Variants in ASAP1 observed in about 807,000 individuals in gnomAD.
ASAP1 encodes arf-GAP with SH3 domain, ANK repeat and PH domain-containing protein 1.
Under a neutral mutation model 145.2 loss-of-function variants are expected in ASAP1, and 43 were observed. The observed-to-expected ratio is 0.30, with a 90% CI of 0.23 to 0.38. ASAP1 has a LOEUF of 0.38. Among genes scored for constraint, ASAP1 ranks in the 10% least tolerant of loss-of-function variants. The probability of loss-of-function intolerance (pLI) is 1.00; values close to 1 mark genes in which losing one functional copy is unlikely to be tolerated. For synonymous variants in ASAP1, 546 were observed against 515.5 expected (o/e 1.06, Z -0.80); for missense variants, 1,018 against 1,355.3 (o/e 0.75, Z 3.91).
intron 1 of ASAP1, among the ~76,000 whole-genome samples, chr8:130,417,089 T>C (rs751671503): frequency 6.6e-6 from 1 of 152,166 alleles, no homozygotes; most frequent in African/African-American, 2.4e-5. Context: ...GCAACCCATG[T>C]ACAACTGCAC....
At chr8:130,118,410 G>C in intron 19 of ASAP1, 79 bp downstream of exon 19, 1 of 1,421,994 alleles carries the variant, frequency 7.0e-7, no homozygotes, top group Non-Finnish European at 9.7e-7. Context: ...CTCATTATAT[G>C]GTATAATGTT....
At chr8:130,137,980 C>T (rs1202513007) in intron 13 of ASAP1, among the ~76,000 whole-genome samples, 1 of 152,196 alleles carries the variant, frequency 6.6e-6, no homozygotes, top group Non-Finnish European at 1.5e-5. Context: ...GAGAAATAAG[C>T]AATGAAACTC....
intron 3 of ASAP1, among the ~76,000 whole-genome samples, chr8:130,302,242 C>A (rs1016187273): frequency 6.6e-6 from 1 of 152,176 alleles, no homozygotes; most frequent in Non-Finnish European, 1.5e-5. Context: ...TAAGAAAATT[C>A]TTGAAAGATT....
intron 3 of ASAP1, among the ~76,000 whole-genome samples, chr8:130,256,927 G>A (rs1307613578): frequency 1.3e-5 from 2 of 151,288 alleles, no homozygotes; most frequent in Non-Finnish European, 2.9e-5. Context: ...TAAGAAGTGT[G>A]TTTCCATTTC....
chr8:130,297,576 T>A (rs1822363613), intron 3 of ASAP1, among the ~76,000 whole-genome samples: 1 of 152,176 alleles, frequency 6.6e-6, no homozygotes, highest in African/African-American at 2.4e-5. Flanking sequence ...GCCTGTAATC[T>A]ACAGAAGTGC....
chr8:130,289,694 A>G (rs557063558), intron 3 of ASAP1, among the ~76,000 whole-genome samples: 2 of 152,344 alleles, frequency 1.3e-5, no homozygotes, highest in Admixed American at 1.3e-4. Flanking sequence ...ACAGCCAGGT[A>G]AACTCTCAAA....
At chr8:130,054,866 C>A (rs1334206589) in intron 29 of ASAP1, 61 bp from the exon 30 acceptor site, 4 of 1,390,404 alleles carry the variant, frequency 2.9e-6, no homozygotes, top group South Asian at 2.3e-5. Flanking sequence ...CACGACAAAC[C>A]CAGTGGGTAA....
chr8:130,086,149 T>C (rs551969469), intron 25 of ASAP1, among the ~76,000 whole-genome samples: 3 of 152,214 alleles, frequency 2.0e-5, no homozygotes, highest in African/African-American at 7.2e-5. Flanking sequence ...TGAGGAGAAA[T>C]GGCCAGTGGG....
chr8:130,125,939 T>C lies in ASAP1; in HGVS notation c.1515+17A>G, dbSNP rs1347975756. On this transcript the variant is annotated intron_variant, in intron 17 of 29. Coordinates refer to ENST00000518721, the MANE Select transcript of ASAP1 (RefSeq NM_018482.4). ...TGACAATAATATCATTCTTCCCAAG[T>C]ACAGGTCACTACTTACCAAGAGTTC... The C allele has an allele frequency of 3.1e-6, 5 of 1,597,218 alleles. No individual in the cohort carries two copies. Among genetic ancestry groups the C allele is most frequent in the South Asian group, 2.3e-5 (2 of 87,238 alleles).
chr8:130,073,755 T>C (rs1002286835), intron 27 of ASAP1, among the ~76,000 whole-genome samples: 51 of 152,320 alleles, frequency 3.3e-4, no homozygotes, highest in Non-Finnish European at 1.0e-4. Context: ...GGATCAATCT[T>C]GGCTCTGAGC....
intron 18 of ASAP1, among the ~76,000 whole-genome samples, chr8:130,122,557 CTTAA>C (rs1335503364): frequency 6.6e-6 from 1 of 152,192 alleles, no homozygotes; most frequent in Non-Finnish European, 1.5e-5. Flanking sequence ...ATTCAAGCCC[CTTAA>C]TTGTCACCAC....
In ASAP1 at chr8:130,118,612, A is replaced by C; in HGVS notation, c.1671T>G (p.Cys557Trp). ...CATTTAGTTTAGCTGATGAAGTTGA[A>C]CAGGTCTTCCTTGAAAACCTATGAT... The part of the protein sequence containing the change: ...YVDHRFSRKT[C>W]STSSAKLNEL... Residue 557 changes from cysteine (C) to tryptophan (W), a missense_variant, in exon 19 of 30, where the codon TGT becomes TGG. Cys to Trp is a radical substitution (Grantham distance 215). Around this residue, in one of 9 missense-constraint regions of ASAP1, gnomAD observed 153 missense variants for 221.6 expected, o/e 0.69. Transcript: ENST00000518721. 1 of 1,613,994 alleles carries C rather than the reference A, an allele frequency of 6.2e-7. No homozygotes were observed. The highest frequency in any genetic ancestry group is 1.3e-5 in the African/African-American group (1 of 75,054).
chr8:130,342,508 C>T lies in ASAP1; in HGVS notation c.186+15509G>A, dbSNP rs1825448764. Among the ~76,000 whole-genome samples the T allele has an allele frequency of 2.0e-5, 3 of 152,218 alleles. 1 individual carries two copies. In the South Asian group the frequency reaches 6.2e-4, roughly 32 times the overall value. ...CAGGGAAAGATGCTCCAGATAGCTG[C>T]TATTTGGCCCCCTAGGGAAGCAGAG... On this transcript the variant is annotated intron_variant, in intron 3 of 29. Coordinates refer to ENST00000518721, the MANE Select transcript of ASAP1 (RefSeq NM_018482.4).
chr8:130,298,228 A>G (rs560751409), intron 3 of ASAP1, among the ~76,000 whole-genome samples: 3 of 152,334 alleles, frequency 2.0e-5, no homozygotes, highest in African/African-American at 7.2e-5. Context: ...GAAACCTGTA[A>G]TGGTGTCCAT....
At chr8:130,256,630 T>C (rs144437374) in intron 3 of ASAP1, among the ~76,000 whole-genome samples, 13 of 151,334 alleles carry the variant, frequency 8.6e-5, no homozygotes, top group Non-Finnish European at 1.0e-4. Context: ...ATGTATTCAC[T>C]TAGAAGCTAA....
chr8:130,077,280 T>C (rs2097464751), intron 26 of ASAP1, among the ~76,000 whole-genome samples: 1 of 152,204 alleles, frequency 6.6e-6, no homozygotes. Context: ...TACAGGTCCA[T>C]ACCACATTGT....
At chr8:130,251,469 A>G (rs1819195509) in intron 3 of ASAP1, among the ~76,000 whole-genome samples, 1 of 152,102 alleles carries the variant, frequency 6.6e-6, no homozygotes, top group Non-Finnish European at 1.5e-5. Flanking sequence ...AAAACTGAAC[A>G]AAGTTAGGCC....
At chr8:130,233,851 A>G (rs1451338459) in intron 4 of ASAP1, among the ~76,000 whole-genome samples, 3 of 152,226 alleles carry the variant, frequency 2.0e-5, no homozygotes, top group Non-Finnish European at 4.4e-5. Flanking sequence ...CAAACAAACA[A>G]ATTACATTGA....
chr8:130,322,519 T>A (rs553606556), intron 3 of ASAP1, among the ~76,000 whole-genome samples: 3 of 152,342 alleles, frequency 2.0e-5, no homozygotes, highest in Non-Finnish European at 2.9e-5. Flanking sequence ...AGATGGCACA[T>A]ATATCTTAAG....
Sources: gnomAD v4.1 joint callset for allele counts (sites outside exome capture counted in the v4.1 genomes callset) on GRCh38, gnomAD v4.1.1 for gene constraint, gnomAD v4.1.1 regional missense constraint, MANE v1.5 for transcripts, NCBI Gene and HGNC (gene_info 2026-07-23, HGNC 2026-07-21) for gene names.